Variants in SLC25A21 observed in about 807,000 individuals in gnomAD.
SLC25A21 encodes solute carrier family 25 member 21, also known as mitochondrial 2-oxodicarboxylate carrier.
SLC25A21 carries 47 observed loss-of-function variants against 43.8 expected under a neutral mutation model. The ratio of observed to expected loss-of-function variants is 1.07; its 90% CI spans 0.85 to 1.37. The LOEUF is 1.37. SLC25A21 is among the 40% of genes most tolerant of loss of function. The probability of loss-of-function intolerance (pLI) is 0.00; values close to 1 mark genes in which losing one functional copy is unlikely to be tolerated. For synonymous variants in SLC25A21, 131 were observed against 121.3 expected, an observed-to-expected ratio of 1.08 and a Z score of -0.52; for missense variants, 352 against 350.2, an observed-to-expected ratio of 1.00 and a Z score of -0.04.
intron 1 of SLC25A21, among the ~76,000 whole-genome samples, chr14:37,071,834 C>T (rs938978902): frequency 3.3e-5 from 5 of 152,096 alleles, no homozygotes; most frequent in African/African-American, 1.2e-4. Context: ...AAGAAAAATG[C>T]TACTAATTAG....
chr14:36,997,832 A>G (rs922999401), intron 1 of SLC25A21, among the ~76,000 whole-genome samples: 2 of 149,106 alleles, frequency 1.3e-5, no homozygotes, highest in Non-Finnish European at 3.0e-5. Flanking sequence ...AAAAAAAAAA[A>G]ACAACTCTAT....
chr14:36,818,831 T>G (rs536603645), intron 2 of SLC25A21, among the ~76,000 whole-genome samples: 2 of 152,340 alleles, frequency 1.3e-5, no homozygotes, highest in East Asian at 3.9e-4. Flanking sequence ...AAGCTTTACA[T>G]CAGCATGTTC....
intron 1 of SLC25A21, among the ~76,000 whole-genome samples, chr14:37,119,553 T>C (rs950600872): frequency 3.6e-5 from 4 of 111,040 alleles, no homozygotes; most frequent in Non-Finnish European, 6.1e-5. Flanking sequence ...TGAGACACCA[T>C]AAAAAAAAAG....
chr14:36,697,423 A>G (rs140443421), intron 7 of SLC25A21, among the ~76,000 whole-genome samples: 4,874 of 152,192 alleles, frequency 0.032, 288 homozygotes, highest in East Asian at 0.29. Flanking sequence ...ATGTCTATTA[A>G]GTCTGCTTGT....
chr14:37,001,679 G>A (rs1960493102), intron 1 of SLC25A21, among the ~76,000 whole-genome samples: 1 of 151,908 alleles, frequency 6.6e-6, no homozygotes, highest in Non-Finnish European at 1.5e-5. Flanking sequence ...TTCTGGCACT[G>A]GGGATACAAA....
intron 3 of SLC25A21, among the ~76,000 whole-genome samples, chr14:36,744,531 A>G (rs1234891187): frequency 6.6e-6 from 1 of 152,184 alleles, no homozygotes; most frequent in Non-Finnish European, 1.5e-5. Context: ...ATATACAAAA[A>G]TCAACTCAAA....
chr14:36,780,457 T>C (rs1887013469), intron 3 of SLC25A21, among the ~76,000 whole-genome samples: 1 of 152,102 alleles, frequency 6.6e-6, no homozygotes, highest in Non-Finnish European at 1.5e-5. Context: ...TTTCTTAATG[T>C]AGGCATTTAT....
intron 3 of SLC25A21, among the ~76,000 whole-genome samples, chr14:36,813,715 C>G (rs935776151): frequency 6.6e-6 from 1 of 152,174 alleles, no homozygotes; most frequent in African/African-American, 2.4e-5. Context: ...AGTCATTAAA[C>G]TAGTTATTAA....
rs552730698 is a variant in SLC25A21 at position 37,002,251 on chromosome 14, G to C, written c.71-127247C>G. 3.9e-4 allele frequency among the ~76,000 whole-genome samples: 59 copies of C among 152,268 alleles called. 1 individual carries two copies. The South Asian group carries it at 0.011, about 29-fold the overall frequency. On this transcript the variant is annotated intron_variant, in intron 1 of 9. Transcript: ENST00000331299. ...GGAGTGGTGGGGATTTAAACACAGA[G>C]AGCCCAGCTCCAGGGTCTTTGTTCT... is the stretch of plus-strand genomic sequence containing the variant.
intron 1 of SLC25A21, among the ~76,000 whole-genome samples, chr14:37,033,324 C>T (rs1426398371): frequency 6.6e-6 from 1 of 152,162 alleles, no homozygotes; most frequent in Non-Finnish European, 1.5e-5. Flanking sequence ...AATCACATTC[C>T]ATCCTACGTA....
At chr14:37,074,596 C>T (rs967203667) in intron 1 of SLC25A21, among the ~76,000 whole-genome samples, 8 of 152,152 alleles carry the variant, frequency 5.3e-5, no homozygotes, top group African/African-American at 1.9e-4. Flanking sequence ...CTTTGGGAGG[C>T]CAAGGTGGAT....
intron 3 of SLC25A21, among the ~76,000 whole-genome samples, chr14:36,774,225 T>C (rs923748032): frequency 3.3e-5 from 5 of 152,382 alleles, no homozygotes; most frequent in South Asian, 4.1e-4. Context: ...GCAAGTGTTT[T>C]ATATATAATA....
chr14:37,126,162 A>G (rs1326823351), intron 1 of SLC25A21, among the ~76,000 whole-genome samples: 1 of 152,124 alleles, frequency 6.6e-6, no homozygotes, highest in Non-Finnish European at 1.5e-5. Context: ...TGTGTATACC[A>G]CACTCAGGAG....
At chr14:36,926,789 C>T (rs1392248407) in intron 1 of SLC25A21, among the ~76,000 whole-genome samples, 1 of 152,176 alleles carries the variant, frequency 6.6e-6, no homozygotes, top group African/African-American at 2.4e-5. Context: ...GCCACCAAAA[C>T]AATTCATTGT....
chr14:36,776,238 C>CTTTTTTTTTTTTTTTTTTTTTTT (rs35856297), intron 3 of SLC25A21, among the ~76,000 whole-genome samples: 4 of 89,902 alleles, frequency 4.4e-5, no homozygotes, highest in African/African-American at 1.0e-4. Flanking sequence ...TTCTTTCTTT[C>CTTTTTTTTTTTTTTTTTTTTTTT]TTTTTTTTTT....
chr14:36,958,915 G>A (rs1959414992), intron 1 of SLC25A21, among the ~76,000 whole-genome samples: 1 of 152,316 alleles, frequency 6.6e-6, no homozygotes, highest in East Asian at 1.9e-4. Flanking sequence ...CATTTCTGCA[G>A]GCCTGTTTGT....
intron 1 of SLC25A21, among the ~76,000 whole-genome samples, chr14:37,037,778 T>C (rs917120862): frequency 2.0e-5 from 3 of 152,196 alleles, no homozygotes; most frequent in African/African-American, 7.2e-5. Context: ...AGATCATTGA[T>C]GTCAAATCAT....
At chr14:37,161,962 CAAAAAAA>C (rs36029964) in intron 1 of SLC25A21, among the ~76,000 whole-genome samples, 2 of 86,282 alleles carry the variant, frequency 2.3e-5, no homozygotes, top group South Asian at 5.0e-4. Context: ...GACTCCGTCT[CAAAAAAA>C]AAAAAAAAAA....
intron 1 of SLC25A21, among the ~76,000 whole-genome samples, chr14:37,009,800 C>A (rs377469323): frequency 9.1e-4 from 139 of 152,202 alleles, no homozygotes; most frequent in Non-Finnish European, 1.8e-3. Context: ...TATTAATGTT[C>A]ACCATACAGC....
Sources: gnomAD v4.1 joint callset for allele counts (sites outside exome capture counted in the v4.1 genomes callset) on GRCh38, gnomAD v4.1.1 for gene constraint, MANE v1.5 for transcripts, NCBI Gene and HGNC (gene_info 2026-07-23, HGNC 2026-07-21) for gene names.